GPC3: variants seen among roughly 807,000 people sequenced by gnomAD.
The protein encoded by GPC3 is glypican 3.
A neutral mutation model predicts 34.4 loss-of-function variants in GPC3; 3 were observed. That is an observed-to-expected ratio of 0.09 (90% CI 0.04 to 0.23). GPC3 has a LOEUF of 0.23. Ranked by LOEUF, GPC3 falls within the 10% of genes least tolerant of loss-of-function variation. The probability of loss-of-function intolerance (pLI) is 1.00; values close to 1 mark genes in which losing one functional copy is unlikely to be tolerated. For missense variants in GPC3, 351 were observed against 445.6 expected (o/e 0.79, Z 1.91); for synonymous variants, 177 against 174.0 (o/e 1.02, Z -0.13).
intron 7 of GPC3, among the ~76,000 whole-genome samples, chrX:133,584,839 C>T (rs1013179026): frequency 9.6e-6 from 1 of 104,165 alleles, no homozygotes; most frequent in Non-Finnish European, 1.9e-5. Context: ...CAATGAGCTA[C>T]AAATTAAAAG....
intron 2 of GPC3, among the ~76,000 whole-genome samples, chrX:133,799,598 G>A (rs1569435530): frequency 9.0e-6 from 1 of 111,246 alleles, no homozygotes; most frequent in Non-Finnish European, 1.9e-5. Context: ...TTTATTCTCT[G>A]TGCCTGAAAT....
At chrX:133,710,651 C>T (rs952614754) in intron 3 of GPC3, among the ~76,000 whole-genome samples, 2 of 112,141 alleles carry the variant, frequency 1.8e-5, no homozygotes, top group African/African-American at 6.5e-5. Context: ...ATATCCTCTT[C>T]TGTTCTTCTA....
At chrX:133,847,082 A>G (rs1294727590) in intron 2 of GPC3, among the ~76,000 whole-genome samples, 3 of 111,996 alleles carry the variant, frequency 2.7e-5, no homozygotes, top group Admixed American at 9.5e-5. Flanking sequence ...TTATATGTAT[A>G]CATACATATA....
intron 2 of GPC3, among the ~76,000 whole-genome samples, chrX:133,856,457 A>T (rs2075901837): frequency 1.8e-5 from 2 of 111,115 alleles, no homozygotes; most frequent in Admixed American, 1.9e-4. Flanking sequence ...CAGGTGAATG[A>T]ACTAACATTA....
intron 2 of GPC3, among the ~76,000 whole-genome samples, chrX:133,827,308 T>C (rs1454436977): frequency 8.9e-6 from 1 of 112,224 alleles, no homozygotes; most frequent in African/African-American, 3.2e-5. Context: ...ATTATATAGG[T>C]AAATATAAAA....
At chrX:133,811,231 T>C (rs1254868984) in intron 2 of GPC3, among the ~76,000 whole-genome samples, 2 of 111,842 alleles carry the variant, frequency 1.8e-5, no homozygotes, top group African/African-American at 6.5e-5. Flanking sequence ...TACATCTCTC[T>C]AGCTAACGTA....
At chrX:133,872,480 G>A (rs2075998126) in intron 2 of GPC3, among the ~76,000 whole-genome samples, 1 of 111,448 alleles carries the variant, frequency 9.0e-6, no homozygotes, top group East Asian at 2.8e-4. Flanking sequence ...CAGTGCTGGA[G>A]CTTGGGTAAG....
intron 2 of GPC3, among the ~76,000 whole-genome samples, chrX:133,925,005 A>G (rs1603273674): frequency 9.2e-6 from 1 of 109,041 alleles, no homozygotes. Flanking sequence ...AGAGGTTGCA[A>G]TGAGCCAAGA....
chrX:133,607,665 G>T (rs1335199321), intron 6 of GPC3, among the ~76,000 whole-genome samples: 1 of 112,260 alleles, frequency 8.9e-6, no homozygotes, highest in Non-Finnish European at 1.9e-5. Context: ...TTCCTGCCAG[G>T]GAGCCCTGAT....
chrX:133,660,067 C>T (rs1482408339), intron 6 of GPC3, among the ~76,000 whole-genome samples: 2 of 112,000 alleles, frequency 1.8e-5, no homozygotes, highest in Admixed American at 9.5e-5. Flanking sequence ...CTCAGCAGCA[C>T]TAACAGCTAT....
intron 7 of GPC3, among the ~76,000 whole-genome samples, chrX:133,570,948 C>T (rs2069623032): frequency 9.0e-6 from 1 of 111,420 alleles, no homozygotes; most frequent in Non-Finnish European, 1.9e-5. Context: ...CTTAAACCTA[C>T]CTACTGTGAA....
chrX:133,754,731 T>C lies in GPC3; in HGVS notation c.338-555A>G, dbSNP rs1242281840. Among the ~76,000 whole-genome samples the C allele has an allele frequency of 1.7e-4, 19 of 112,342 alleles. No homozygotes were observed. The Admixed American group carries it at 1.8e-3, about 11-fold the overall frequency. On this transcript the variant is annotated intron_variant, in intron 2 of 7. Transcript: ENST00000370818. ...TTGGTAGATTTTCTCCTGATAACTT[T>C]AAAGAGAGCTTTCTGACAGATTGCC...
At chrX:133,985,007 C>A (rs906698308) in intron 1 of GPC3, among the ~76,000 whole-genome samples, 7 of 111,973 alleles carry the variant, frequency 6.3e-5, no homozygotes, top group Non-Finnish European at 1.1e-4. Context: ...AAAACGGGCG[C>A]TCACGAGAAG....
intron 3 of GPC3, among the ~76,000 whole-genome samples, chrX:133,720,662 G>T (rs751093373): frequency 7.2e-5 from 8 of 111,491 alleles, no homozygotes; most frequent in Non-Finnish European, 1.3e-4. Flanking sequence ...CTAACAAGTG[G>T]ATAAAGAAAA....
rs557799748 is a variant in GPC3, at chrX:133,623,805, G to A, written c.1414-27206C>T. ...AATTGAACTCAGCTCTGCACCAAGC[G>A]GACCTAATAGACATCTACAGAACTC... On this transcript the variant is annotated intron_variant, in intron 6 of 7. Transcript: ENST00000370818. 1.2e-3 allele frequency among the ~76,000 whole-genome samples: 137 copies of A among 111,589 alleles called. 1 individual carries two copies. The South Asian group carries it at 0.036, about 29-fold the overall frequency.
At chrX:133,922,497 T>G (rs1039323824) in intron 2 of GPC3, among the ~76,000 whole-genome samples, 6 of 111,720 alleles carry the variant, frequency 5.4e-5, no homozygotes, top group African/African-American at 1.6e-4. Context: ...AAGGGTGACC[T>G]CAGGAACTAC....
intron 2 of GPC3, among the ~76,000 whole-genome samples, chrX:133,885,459 C>T (rs2124585671): frequency 9.0e-6 from 1 of 111,617 alleles, no homozygotes; most frequent in East Asian, 2.8e-4. Context: ...CAACTCAAGG[C>T]CTCATTCATA....
intron 2 of GPC3, among the ~76,000 whole-genome samples, chrX:133,949,359 A>T (rs2076382598): frequency 9.0e-6 from 1 of 111,675 alleles, no homozygotes; most frequent in Admixed American, 9.5e-5. Flanking sequence ...CCTCTATTAA[A>T]TGTCCCCAAG....
chrX:133,796,193 C>T (rs1271894958), intron 2 of GPC3, among the ~76,000 whole-genome samples: 1 of 111,324 alleles, frequency 9.0e-6, no homozygotes, highest in South Asian at 3.8e-4. Flanking sequence ...GATCTGCCCG[C>T]CTTGGCCTCC....
Sources: gnomAD v4.1 joint callset for allele counts (sites outside exome capture counted in the v4.1 genomes callset) on GRCh38, gnomAD v4.1.1 for gene constraint, MANE v1.5 for transcripts, NCBI Gene and HGNC (gene_info 2026-07-23, HGNC 2026-07-21) for gene names.